The following RABGEF1 variants were observed in gnomAD, a reference collection of about 807,000 sequenced individuals.
RABGEF1 encodes rab5 GDP/GTP exchange factor.
In RABGEF1, 26 loss-of-function variants were observed where a neutral mutation model predicts 57.3. That is an observed-to-expected ratio of 0.45 (90% confidence interval 0.33 to 0.63). RABGEF1 has a LOEUF of 0.63. Ranked by LOEUF, RABGEF1 falls within the 20% of genes least tolerant of loss-of-function variation. The probability of loss-of-function intolerance (pLI) is 0.02; values close to 1 mark genes in which losing one functional copy is unlikely to be tolerated. For synonymous variants in RABGEF1, 185 were observed against 210.7 expected (o/e 0.88, Z 1.06); for missense variants, 464 against 607.6 (o/e 0.76, Z 2.48).
At chr7:66,657,303 T>TAATCA in the RABGEF1 span, among the ~76,000 whole-genome samples, 1 of 152,232 alleles carries the variant, frequency 6.6e-6, no homozygotes, top group Admixed American at 6.5e-5. Flanking sequence ...AAGTATTTTC[T>TAATCA]AATCACGATG....
chr7:66,766,251 G>T (rs1805669344), intron 1 of RABGEF1, among the ~76,000 whole-genome samples: 1 of 150,996 alleles, frequency 6.6e-6, no homozygotes, highest in Non-Finnish European at 1.5e-5. Context: ...CAAGGCTGCA[G>T]TGAGCTGTGA....
chr7:66,719,186 AAAC>A (rs142491094), intron 2 of RABGEF1, among the ~76,000 whole-genome samples: 47 of 152,286 alleles, frequency 3.1e-4, no homozygotes, highest in Admixed American at 1.4e-3. Context: ...CAACCAACAA[AAAC>A]AACATCACAA....
chr7:66,693,869 G>A (rs1328150235), intron 1 of RABGEF1, among the ~76,000 whole-genome samples: 21 of 151,022 alleles, frequency 1.4e-4, no homozygotes, highest in African/African-American at 4.9e-4. Context: ...GTGCAGTGGC[G>A]AGATCTCGGC....
At position 66,809,299 on chromosome 7, in the gene RABGEF1, A is replaced by T; in HGVS notation, c.*15A>T. The T allele has an allele frequency of 1.3e-6, 2 of 1,591,966 alleles. No individual in the cohort carries two copies. The highest frequency in any genetic ancestry group is 1.7e-6 in the Non-Finnish European group (2 of 1,167,002). On this transcript the variant is annotated 3_prime_UTR_variant, in exon 9 of 9. Coordinates refer to ENST00000284957, the MANE Select transcript of RABGEF1 (RefSeq NM_014504.3). ...ATGCAGGATGATCACAATTTAGTGGAGAGTATTTATTTGAGCCTAAATTGT... is the reference window on the plus strand; with the variant it reads ...ATGCAGGATGATCACAATTTAGTGGTGAGTATTTATTTGAGCCTAAATTGT...
intron 2 of RABGEF1, among the ~76,000 whole-genome samples, chr7:66,728,902 A>G (rs1426781383): frequency 7.9e-6 from 1 of 126,082 alleles, no homozygotes; most frequent in Non-Finnish European, 1.7e-5. Flanking sequence ...ACTCACCTCC[A>G]CGCTCACCTG....
upstream of RABGEF1, among the ~76,000 whole-genome samples, chr7:66,737,380 A>C (rs1377517733): frequency 6.6e-6 from 1 of 151,876 alleles, no homozygotes; most frequent in Non-Finnish European, 1.5e-5. Context: ...CAGCCTCCTG[A>C]ATAGCTGGGA....
the RABGEF1 span, among the ~76,000 whole-genome samples, chr7:66,671,052 T>C: frequency 6.7e-3 from 1,013 of 152,056 alleles, 26 homozygotes; most frequent in Non-Finnish European, 4.1e-3. Context: ...GATAGAGAGA[T>C]GGGATCTTGC....
chr7:66,694,707 A>G (rs540984771), intron 1 of RABGEF1, among the ~76,000 whole-genome samples: 1 of 152,082 alleles, frequency 6.6e-6, no homozygotes, highest in Admixed American at 6.5e-5. Context: ...TGAAGTCGGA[A>G]TCTCGTGGAT....
At chr7:66,715,804 C>T (rs566222225) in intron 2 of RABGEF1, among the ~76,000 whole-genome samples, 5 of 152,006 alleles carry the variant, frequency 3.3e-5, no homozygotes, top group African/African-American at 1.2e-4. Context: ...AGTGCAGTGG[C>T]TATTCCCAGC....
upstream of RABGEF1, among the ~76,000 whole-genome samples, chr7:66,738,609 A>G (rs1277601638): frequency 6.6e-6 from 1 of 151,874 alleles, no homozygotes; most frequent in Non-Finnish European, 1.5e-5. Context: ...GCACACACCT[A>G]TCATCCCAGC....
intron 1 of RABGEF1, among the ~76,000 whole-genome samples, chr7:66,741,020 C>T (rs972778070): frequency 6.6e-6 from 1 of 152,188 alleles, no homozygotes; most frequent in Non-Finnish European, 1.5e-5. Flanking sequence ...CCTCAGAGTG[C>T]GGCCTCTCCG....
rs150789795 is a variant in RABGEF1, at chr7:66,783,725, A to G, written c.397A>G (p.Ile133Val). 3.9e-4 allele frequency: 635 copies of G among 1,612,998 alleles called. 3 individuals carry two copies. The highest frequency in any genetic ancestry group is 4.0e-4 in the Admixed American group (24 of 59,934). The change falls in exon 4 of 9, where the codon ATT becomes GTT. Residue 133 changes from isoleucine to valine, a missense_variant. This residue lies in a region of RABGEF1 where 284 missense variants were observed against 389.9 expected (regional missense o/e 0.73). Transcript: ENST00000284957. Reference sequence around the variant, plus strand: ...TCCTTCCATAAACCGGCAAACCAGCATTGAAACGGATAGAGTGTCTAAGGA... The same window carrying G: ...TCCTTCCATAAACCGGCAAACCAGCGTTGAAACGGATAGAGTGTCTAAGGA... ...PSPSINRQTS[I>V]ETDRVSKEFI...
At chr7:66,711,330 T>C (rs1291449905) in intron 1 of RABGEF1, among the ~76,000 whole-genome samples, 1 of 152,252 alleles carries the variant, frequency 6.6e-6, no homozygotes, top group East Asian at 1.9e-4. Context: ...CCTAACCTAA[T>C]GTCACAATAT....
intron 7 of RABGEF1, among the ~76,000 whole-genome samples, chr7:66,803,620 G>A (rs987363640): frequency 4.6e-5 from 7 of 152,208 alleles, no homozygotes; most frequent in African/African-American, 9.7e-5. Flanking sequence ...GCCGGGAGCA[G>A]TGAGTCACAC....
chr7:66,782,347 C>T (rs866792056), intron 3 of RABGEF1, among the ~76,000 whole-genome samples: 42 of 152,066 alleles, frequency 2.8e-4, no homozygotes, highest in Middle Eastern at 3.4e-3. Flanking sequence ...TTTCAGACAA[C>T]TTTTGTTACT....
chr7:66,737,009 T>C (rs1189679405), upstream of RABGEF1, among the ~76,000 whole-genome samples: 1 of 151,446 alleles, frequency 6.6e-6, no homozygotes, highest in African/African-American at 2.4e-5. Context: ...CTGCTCTTAC[T>C]TGATGTGGGT....
At chr7:66,658,484 A>G in the RABGEF1 span, among the ~76,000 whole-genome samples, 1 of 150,604 alleles carries the variant, frequency 6.6e-6, no homozygotes, top group Non-Finnish European at 1.5e-5. Context: ...GTGAGCTGAG[A>G]TCGCACCATT....
At chr7:66,776,400 C>T (rs1329514300) in intron 3 of RABGEF1, among the ~76,000 whole-genome samples, 3 of 152,168 alleles carry the variant, frequency 2.0e-5, no homozygotes, top group Admixed American at 1.3e-4. Context: ...CTCTTTAAGA[C>T]ATGGATACCA....
chr7:66,794,447 T>C (rs895189584), intron 4 of RABGEF1, among the ~76,000 whole-genome samples: 5 of 152,056 alleles, frequency 3.3e-5, no homozygotes, highest in Non-Finnish European at 7.4e-5. Flanking sequence ...TTTGTTATTC[T>C]TTTTATTTTC....
Sources: allele counts gnomAD v4.1 joint callset (sites outside exome capture counted in the v4.1 genomes callset), GRCh38; gene constraint gnomAD v4.1.1; regional missense constraint gnomAD v4.1.1; transcripts MANE v1.5; gene names NCBI Gene and HGNC (gene_info 2026-07-23, HGNC 2026-07-21).